Variants in CRACD observed in about 807,000 individuals in gnomAD.
CRACD encodes the protein capping protein inhibiting regulator of actin dynamics, also known as capping protein-inhibiting regulator of actin dynamics.
A neutral mutation model predicts 106.8 loss-of-function variants in CRACD; 56 were observed. That is an observed-to-expected ratio of 0.52 (90% CI 0.42 to 0.66). The LOEUF (loss-of-function observed/expected upper bound fraction) is 0.66. Among genes scored for constraint, CRACD ranks in the 30% least tolerant of loss-of-function variants. The probability of loss-of-function intolerance (pLI) is 0.00; values close to 1 mark genes in which losing one functional copy is unlikely to be tolerated. For missense variants in CRACD, 1,730 were observed against 1,623.2 expected (o/e 1.07, Z -1.13); for synonymous variants, 754 against 670.8 (o/e 1.12, Z -1.92).
chr4:56,187,993 T>G (rs1371489551), intron 2 of CRACD, among the ~76,000 whole-genome samples: 1 of 152,178 alleles, frequency 6.6e-6, no homozygotes, highest in Non-Finnish European at 1.5e-5. Context: ...AATTCTGAAC[T>G]GCAGTTCAGA....
intron 1 of CRACD, among the ~76,000 whole-genome samples, chr4:56,142,537 G>T (rs1361890212): frequency 6.6e-6 from 1 of 152,002 alleles, no homozygotes; most frequent in Non-Finnish European, 1.5e-5. Context: ...GGTGTTATAG[G>T]CTATGTGAAA....
rs967115661 is a variant in CRACD at position 56,074,843 on chromosome 4, A to G, written c.-336+25544A>G. ...GGGTTTGTCATGAATAGCTCTTATT[A>G]TTTTGAGATACGTTCCATCAATACC... On this transcript the variant is annotated intron_variant, in intron 1 of 10. Transcript: ENST00000682029. 3.3e-5 allele frequency among the ~76,000 whole-genome samples: 5 copies of G among 152,138 alleles called. No individual in the cohort carries two copies. In the East Asian group the frequency reaches 5.8e-4, roughly 18 times the overall value.
chr4:56,162,118 C>T (rs1161923550), intron 1 of CRACD, among the ~76,000 whole-genome samples: 2 of 152,094 alleles, frequency 1.3e-5, no homozygotes, highest in Non-Finnish European at 2.9e-5. Flanking sequence ...ACAAGCACCA[C>T]TTTGTTGAAA....
At chr4:56,172,238 T>C (rs1464118505) in intron 1 of CRACD, among the ~76,000 whole-genome samples, 2 of 152,116 alleles carry the variant, frequency 1.3e-5, no homozygotes, top group East Asian at 3.8e-4. Flanking sequence ...GAGAAGACAC[T>C]GCTCAAAGTG....
At chr4:56,124,773 C>T (rs747192358) in intron 1 of CRACD, among the ~76,000 whole-genome samples, 1 of 152,016 alleles carries the variant, frequency 6.6e-6, no homozygotes, top group Non-Finnish European at 1.5e-5. Context: ...TGTTGTCTTT[C>T]CCTACTTTTG....
At chr4:56,122,634 C>T (rs1392574142) in intron 1 of CRACD, among the ~76,000 whole-genome samples, 1 of 152,248 alleles carries the variant, frequency 6.6e-6, no homozygotes, top group African/African-American at 2.4e-5. Context: ...CCCCCAACAT[C>T]TACCACTGTC....
chr4:56,273,794 G>C (rs1258518243), intron 3 of CRACD, among the ~76,000 whole-genome samples: 1 of 152,138 alleles, frequency 6.6e-6, no homozygotes, highest in Non-Finnish European at 1.5e-5. Flanking sequence ...TGTATTACGT[G>C]CTCAAAAAAA....
intron 2 of CRACD, among the ~76,000 whole-genome samples, chr4:56,188,684 T>TCC (rs755350704): frequency 1.0e-5 from 1 of 99,812 alleles, no homozygotes; most frequent in Non-Finnish European, 1.9e-5. Flanking sequence ...TCTCTCTCTC[T>TCC]CTCACACACA....
rs1358589741 is a variant in CRACD at position 56,323,372 on chromosome 4, C to T, written c.3188-5C>T. The T allele has an allele frequency of 6.3e-7, 1 of 1,591,928 alleles. No homozygotes were observed. The highest frequency in any genetic ancestry group is 8.5e-7 in the Non-Finnish European group (1 of 1,174,786). ...GCAAACCGTTCTTTGTCTTATTCCC[C>T]ACAGAGAAGCCGATGCTTCAGAGCA... On this transcript the variant is annotated splice_polypyrimidine_tract_variant and splice_region_variant and intron_variant, in intron 8 of 10. Transcript: ENST00000682029.
chr4:56,221,253 G>C (rs1739015556), intron 2 of CRACD, among the ~76,000 whole-genome samples: 1 of 152,140 alleles, frequency 6.6e-6, no homozygotes, highest in Non-Finnish European at 1.5e-5. Flanking sequence ...TCAGGAAAAT[G>C]AATTTGGAAG....
At chr4:56,276,973 G>A (rs1021199021) in intron 3 of CRACD, among the ~76,000 whole-genome samples, 5 of 152,174 alleles carry the variant, frequency 3.3e-5, no homozygotes, top group African/African-American at 4.8e-5. Context: ...TGGAACAGTC[G>A]GGAAAGGGTT....
intron 1 of CRACD, among the ~76,000 whole-genome samples, chr4:56,089,783 G>A (rs1263693583): frequency 2.0e-5 from 3 of 152,022 alleles, no homozygotes; most frequent in East Asian, 1.9e-4. Context: ...AAAGTGCTGC[G>A]ATTACAGGCA....
intron 1 of CRACD, among the ~76,000 whole-genome samples, chr4:56,061,900 C>T (rs1012478530): frequency 1.3e-5 from 2 of 152,144 alleles, no homozygotes; most frequent in Non-Finnish European, 2.9e-5. Flanking sequence ...AATCAGTTTC[C>T]AAATAGATGT....
At chr4:56,077,899 G>A (rs1192597728) in intron 1 of CRACD, among the ~76,000 whole-genome samples, 1 of 152,154 alleles carries the variant, frequency 6.6e-6, no homozygotes, top group African/African-American at 2.4e-5. Flanking sequence ...TTTGCCTGCA[G>A]GTATTTGGGG....
chr4:56,109,282 C>T (rs1412386063), intron 1 of CRACD, among the ~76,000 whole-genome samples: 1 of 152,182 alleles, frequency 6.6e-6, no homozygotes, highest in African/African-American at 2.4e-5. Flanking sequence ...AACGTTTATA[C>T]TAATGGTTGA....
At chr4:56,091,488 G>C (rs1733424416) in intron 1 of CRACD, among the ~76,000 whole-genome samples, 1 of 152,094 alleles carries the variant, frequency 6.6e-6, no homozygotes, top group Admixed American at 6.5e-5. Context: ...GGATTCCCAG[G>C]ATAGCCCATA....
At chr4:56,054,705 T>C (rs1365035051) in intron 1 of CRACD, among the ~76,000 whole-genome samples, 1 of 152,170 alleles carries the variant, frequency 6.6e-6, no homozygotes, top group Non-Finnish European at 1.5e-5. Flanking sequence ...GTAACAACCC[T>C]GAAGAGATGT....
intron 1 of CRACD, among the ~76,000 whole-genome samples, chr4:56,057,820 T>G (rs868116517): frequency 0.15 from 11,744 of 80,066 alleles, 2,056 homozygotes; most frequent in Non-Finnish European, 0.2. Context: ...TTTTGTTTTT[T>G]TTTTTTTTTT....
intron 1 of CRACD, among the ~76,000 whole-genome samples, chr4:56,061,526 C>T (rs56205106): frequency 1.3e-3 from 195 of 151,870 alleles, no homozygotes; most frequent in South Asian, 2.5e-3. Context: ...TCTAGTTGGC[C>T]AGTAAACAGA....
Sources: gnomAD v4.1 joint callset for allele counts (sites outside exome capture counted in the v4.1 genomes callset) on GRCh38, gnomAD v4.1.1 for gene constraint, MANE v1.5 for transcripts, NCBI Gene and HGNC (gene_info 2026-07-23, HGNC 2026-07-21) for gene names.